DIP2C: variants seen among roughly 807,000 people sequenced by gnomAD.
DIP2C encodes the protein disco-interacting protein 2 homolog C.
In DIP2C, 33 loss-of-function variants were observed where a neutral mutation model predicts 192.4. The ratio of observed to expected loss-of-function variants is 0.17; its 90% confidence interval spans 0.13 to 0.23. The LOEUF (loss-of-function observed/expected upper bound fraction) is 0.23. DIP2C is among the 10% of genes least tolerant of loss of function. The pLI, the probability that DIP2C is intolerant of heterozygous loss-of-function variation, is 1.00. For synonymous variants in DIP2C, 979 were observed against 864.1 expected, an observed-to-expected ratio of 1.13 and a Z score of -2.33; for missense variants, 1,537 against 2,110.1, an observed-to-expected ratio of 0.73 and a Z score of 5.32.
chr10:513,247 GAAAT>G (rs1172885741), intron 1 of DIP2C, among the ~76,000 whole-genome samples: 1 of 152,128 alleles, frequency 6.6e-6, no homozygotes, highest in Non-Finnish European at 1.5e-5. Context: ...TTAGACAAAA[GAAAT>G]AAACATAAGC....
intron 1 of DIP2C, among the ~76,000 whole-genome samples, chr10:681,560 C>T (rs530083948): frequency 6.6e-5 from 10 of 151,038 alleles, no homozygotes; most frequent in Non-Finnish European, 1.2e-4. Context: ...ACAGCCACCA[C>T]CTATGGCCAC....
At chr10:675,753 G>T (rs1050906288) in intron 1 of DIP2C, among the ~76,000 whole-genome samples, 3 of 152,098 alleles carry the variant, frequency 2.0e-5, no homozygotes, top group Non-Finnish European at 4.4e-5. Flanking sequence ...GACCAATAAT[G>T]AGTAACATGT....
At chr10:548,691 C>T (rs879264832) in intron 1 of DIP2C, among the ~76,000 whole-genome samples, 69 of 151,582 alleles carry the variant, frequency 4.6e-4, no homozygotes, top group African/African-American at 9.9e-4. Context: ...TGGAGGGAAG[C>T]GACAAGAGGG....
intron 19 of DIP2C, among the ~76,000 whole-genome samples, chr10:365,872 T>C (rs938581045): frequency 8.5e-5 from 13 of 152,280 alleles, no homozygotes; most frequent in African/African-American, 2.6e-4. Context: ...AAAGGGGCTC[T>C]AGTTGGCTTC....
intron 26 of DIP2C, among the ~76,000 whole-genome samples, chr10:347,842 CCACA>C (rs1958581505): frequency 1.0e-5 from 1 of 97,500 alleles, no homozygotes; most frequent in Non-Finnish European, 2.3e-5. Flanking sequence ...CCTGGAAACC[CCACA>C]CGCACCCAGA....
At chr10:514,435 T>C (rs535853302) in intron 1 of DIP2C, among the ~76,000 whole-genome samples, 1 of 152,194 alleles carries the variant, frequency 6.6e-6, no homozygotes, top group East Asian at 1.9e-4. Context: ...TCCAGGCGTC[T>C]TCTTTGTCCG....
At chr10:439,086 T>C (rs1391391003) in intron 4 of DIP2C, among the ~76,000 whole-genome samples, 1 of 152,222 alleles carries the variant, frequency 6.6e-6, no homozygotes, top group East Asian at 1.9e-4. Context: ...GCTCAAGCCA[T>C]ACGCCTGCCC....
At chr10:538,608 T>C (rs1007086058) in intron 1 of DIP2C, among the ~76,000 whole-genome samples, 5 of 152,206 alleles carry the variant, frequency 3.3e-5, no homozygotes, top group African/African-American at 1.2e-4. Context: ...TAAGTCAATG[T>C]TGTCAGCCTC....
At chr10:394,699 CGGA>C in intron 10 of DIP2C, among the ~76,000 whole-genome samples, 1 of 141,026 alleles carries the variant, frequency 7.1e-6, no homozygotes. Context: ...CATGCTGAAC[CGGA>C]AGGACGCTAG....
intron 32 of DIP2C, among the ~76,000 whole-genome samples, chr10:300,604 G>A (rs986571959): frequency 1.3e-5 from 2 of 152,024 alleles, no homozygotes; most frequent in African/African-American, 2.4e-5. Context: ...GGCCCTGAGC[G>A]TGTGGAGAAG....
At position 385,600 on chromosome 10, in the gene DIP2C, G is replaced by A. The variant is rs147312740; in HGVS notation, c.1663-961C>T. ...TCTGGCTCTGGCCGGGCCTTGCTGC[G>A]GCAGATTACTACTTCTGACAAAAAT... On this transcript the variant is annotated intron_variant, in intron 14 of 36. Coordinates refer to ENST00000280886, the MANE Select transcript of DIP2C (RefSeq NM_014974.3). Among the ~76,000 whole-genome samples the A allele has an allele frequency of 1.7e-4, 26 of 152,264 alleles. No homozygotes were observed. The South Asian group carries it at 5.0e-3, about 29-fold the overall frequency.
rs1462025208 is a variant in DIP2C at position 651,099 on chromosome 10, T to C, written c.85+38395A>G. 1.1e-5 allele frequency: 8 copies of C among 716,896 alleles called. No individual in the cohort carries two copies. The highest frequency in any genetic ancestry group is 2.1e-5 in the Non-Finnish European group (8 of 384,992). 44.4% of individuals were successfully genotyped at this position (716,896 alleles called of 1,614,324 possible). On this transcript the variant is annotated intron_variant, in intron 1 of 36. Transcript: ENST00000280886. This position sits in a 1 kb window ranked among gnomAD's most constrained non-coding sequence, Gnocchi z 4.1. Reference sequence around the variant, plus strand: ...TGTCTCTCCCACACCTCCCAAACTCTCTCCTGGCCAGCTCTCGCCACACTC... The same window carrying C: ...TGTCTCTCCCACACCTCCCAAACTCCCTCCTGGCCAGCTCTCGCCACACTC...
intron 3 of DIP2C, among the ~76,000 whole-genome samples, chr10:458,666 C>T (rs1033665711): frequency 6.6e-6 from 1 of 151,336 alleles, no homozygotes; most frequent in Non-Finnish European, 1.5e-5. Context: ...AGGATGTCCT[C>T]TACATTCCTG....
chr10:671,762 C>A (rs550412312), intron 1 of DIP2C, among the ~76,000 whole-genome samples: 123 of 114,550 alleles, frequency 1.1e-3, no homozygotes, highest in Middle Eastern at 8.2e-3. Context: ...GACGCACGGA[C>A]GGAGGAAACG....
chr10:615,404 G>A (rs984497591), intron 1 of DIP2C, among the ~76,000 whole-genome samples: 1 of 152,274 alleles, frequency 6.6e-6, no homozygotes, highest in East Asian at 1.9e-4. Flanking sequence ...AGACACAGGT[G>A]ACTATGAGGT....
At chr10:570,488 ACCT>A (rs1849721495) in intron 1 of DIP2C, among the ~76,000 whole-genome samples, 1 of 151,124 alleles carries the variant, frequency 6.6e-6, no homozygotes, top group African/African-American at 2.4e-5. Context: ...ACATCTCTCC[ACCT>A]CCTCCTTTAC....
At chr10:379,288 G>C (rs1962097955) in intron 17 of DIP2C, among the ~76,000 whole-genome samples, 1 of 148,042 alleles carries the variant, frequency 6.8e-6, no homozygotes, top group East Asian at 2.1e-4. Flanking sequence ...TAGGGCTGCT[G>C]CTGCTCCCGG....
At chr10:443,100 T>C (rs1001246485) in intron 3 of DIP2C, among the ~76,000 whole-genome samples, 36 of 152,296 alleles carry the variant, frequency 2.4e-4, no homozygotes, top group African/African-American at 7.9e-4. Context: ...GGCAACTCAG[T>C]GAAGGTGGTG....
intron 1 of DIP2C, among the ~76,000 whole-genome samples, chr10:506,151 A>G (rs1222525413): frequency 4.6e-5 from 7 of 152,168 alleles, no homozygotes; most frequent in South Asian, 2.1e-4. Context: ...TACCCTTCGG[A>G]AGACACATTT....
Sources: allele counts gnomAD v4.1 joint callset (sites outside exome capture counted in the v4.1 genomes callset), GRCh38; gene constraint gnomAD v4.1.1; non-coding constraint Gnocchi (gnomAD v3.1); transcripts MANE v1.5; gene names NCBI Gene and HGNC (gene_info 2026-07-23, HGNC 2026-07-21).